LYRM4: variants seen among roughly 807,000 people sequenced by gnomAD.
The protein encoded by LYRM4 is LYR motif containing 4.
A neutral mutation model predicts 11.7 loss-of-function variants in LYRM4; 9 were observed. That is an observed-to-expected ratio of 0.77 (90% CI 0.46 to 1.34). LYRM4 has a LOEUF of 1.34. Ranked by LOEUF, LYRM4 falls within the 40% of genes most tolerant of loss-of-function variation. The probability of loss-of-function intolerance (pLI) is 0.00; values close to 1 mark genes in which losing one functional copy is unlikely to be tolerated. For synonymous variants in LYRM4, 42 were observed against 40.4 expected (o/e 1.04, Z -0.15); for missense variants, 133 against 112.5 (o/e 1.18, Z -0.82).
At chr6:5,215,498 T>C (rs899578250) in intron 2 of LYRM4, among the ~76,000 whole-genome samples, 2 of 152,224 alleles carry the variant, frequency 1.3e-5, no homozygotes, top group Non-Finnish European at 2.9e-5. Flanking sequence ...AGTTACTGTA[T>C]TACTAAATAG....
At chr6:5,174,518 G>A (rs1294789715) in intron 2 of LYRM4, among the ~76,000 whole-genome samples, 3 of 152,148 alleles carry the variant, frequency 2.0e-5, no homozygotes, top group African/African-American at 4.8e-5. Flanking sequence ...TCAGCGCGTC[G>A]CATCCTGTTT....
At chr6:5,234,379 G>T (rs1482085243) in intron 1 of LYRM4, among the ~76,000 whole-genome samples, 1 of 152,190 alleles carries the variant, frequency 6.6e-6, no homozygotes, top group South Asian at 2.1e-4. Context: ...CCACAGAGGC[G>T]CCAGGTGCCC....
Position 5,256,574 on chromosome 6 carries a change from T to A in LYRM4, c.86+4074A>T, listed in dbSNP as rs374224167. Reference sequence around the variant, plus strand: ...TATTGGTCTCAGGACCCTTTTACACTGTGTGAGATGGATCAATTATGACTC... The same window carrying A: ...TATTGGTCTCAGGACCCTTTTACACAGTGTGAGATGGATCAATTATGACTC... On this transcript the variant is annotated intron_variant, in intron 1 of 2. Coordinates refer to ENST00000330636, the MANE Select transcript of LYRM4 (RefSeq NM_020408.6). 1.1e-4 allele frequency among the ~76,000 whole-genome samples: 16 copies of A among 145,580 alleles called. No homozygotes were observed. The South Asian group carries it at 3.6e-3, about 33-fold the overall frequency.
chr6:5,165,241 T>C (rs912649472), intron 2 of LYRM4, among the ~76,000 whole-genome samples: 4 of 152,222 alleles, frequency 2.6e-5, no homozygotes, highest in African/African-American at 9.6e-5. Flanking sequence ...TTATTGTTCC[T>C]ACCTGTTATA....
intron 1 of LYRM4, among the ~76,000 whole-genome samples, chr6:5,237,545 C>T (rs1581575748): frequency 6.6e-6 from 1 of 152,208 alleles, no homozygotes; most frequent in East Asian, 1.9e-4. Flanking sequence ...CTGAAACCAT[C>T]CCCCACAACC....
intron 2 of LYRM4, among the ~76,000 whole-genome samples, chr6:5,135,026 A>T (rs373639851): frequency 1.3e-3 from 109 of 81,622 alleles, no homozygotes; most frequent in Middle Eastern, 6.3e-3. Context: ...GAGGGTGCGG[A>T]TCGCTCCCGG....
intron 2 of LYRM4, among the ~76,000 whole-genome samples, chr6:5,170,114 G>A (rs1759336492): frequency 6.6e-6 from 1 of 152,200 alleles, no homozygotes; most frequent in Non-Finnish European, 1.5e-5. Context: ...AGGCTGAAGA[G>A]GTTATGGGAT....
At chr6:5,254,024 G>A (rs763407310) in intron 1 of LYRM4, among the ~76,000 whole-genome samples, 4 of 152,166 alleles carry the variant, frequency 2.6e-5, no homozygotes, top group Non-Finnish European at 5.9e-5. Flanking sequence ...TCAAAAAAAG[G>A]TCATGCTCAC....
chr6:5,142,176 G>C (rs1757443564), intron 2 of LYRM4, among the ~76,000 whole-genome samples: 1 of 152,156 alleles, frequency 6.6e-6, no homozygotes, highest in Non-Finnish European at 1.5e-5. Context: ...CTTGACAGTG[G>C]AGGTGACGCT....
At chr6:5,065,314 T>C in the LYRM4 span, among the ~76,000 whole-genome samples, 1 of 152,022 alleles carries the variant, frequency 6.6e-6, no homozygotes, top group Non-Finnish European at 1.5e-5. Flanking sequence ...CATTTATATA[T>C]TTATTTTTAT....
At chr6:5,196,408 G>A (rs1481422293) in intron 2 of LYRM4, among the ~76,000 whole-genome samples, 1 of 152,168 alleles carries the variant, frequency 6.6e-6, no homozygotes, top group African/African-American at 2.4e-5. Context: ...TCCCTAAGAG[G>A]TCAAGAGTCC....
At chr6:5,131,457 T>A (rs551977398) in intron 2 of LYRM4, among the ~76,000 whole-genome samples, 147 of 152,352 alleles carry the variant, frequency 9.6e-4, no homozygotes, top group Non-Finnish European at 1.7e-3. Context: ...CCCAGCAGTT[T>A]GGGAGGTAAA....
At chr6:5,195,765 T>C (rs906820079) in intron 2 of LYRM4, among the ~76,000 whole-genome samples, 4 of 152,148 alleles carry the variant, frequency 2.6e-5, no homozygotes, top group East Asian at 3.9e-4. Context: ...CTCCTTCAGG[T>C]GCTCAACAGC....
At chr6:5,122,046 GT>G (rs143385067) in intron 2 of LYRM4, among the ~76,000 whole-genome samples, 2,077 of 152,284 alleles carry the variant, frequency 0.014, 31 homozygotes, top group South Asian at 0.086. Context: ...ACTTGAACCA[GT>G]TCTGGTTTTA....
chr6:5,164,694 G>A (rs902615698), intron 2 of LYRM4, among the ~76,000 whole-genome samples: 7 of 152,170 alleles, frequency 4.6e-5, no homozygotes, highest in Admixed American at 1.3e-4. Flanking sequence ...TTGGCCGGGT[G>A]TGGCGGCTCA....
At chr6:5,181,786 AAT>A (rs1760091353) in intron 2 of LYRM4, among the ~76,000 whole-genome samples, 1 of 152,106 alleles carries the variant, frequency 6.6e-6, no homozygotes, top group African/African-American at 2.4e-5. Flanking sequence ...CCCTCTAGGT[AAT>A]ATAGTCCAGC....
intron 2 of LYRM4, among the ~76,000 whole-genome samples, chr6:5,154,751 G>A (rs959667516): frequency 5.1e-4 from 77 of 152,204 alleles, no homozygotes; most frequent in Admixed American, 1.4e-3. Context: ...CCCGGGAGGC[G>A]GAGCTTGCAG....
the LYRM4 span, among the ~76,000 whole-genome samples, chr6:5,039,147 T>G: frequency 3.9e-5 from 6 of 152,202 alleles, no homozygotes; most frequent in Non-Finnish European, 8.8e-5. Context: ...ATAAATGAGT[T>G]GTTGCTTTAA....
chr6:5,144,930 A>G (rs1163122771), intron 2 of LYRM4, among the ~76,000 whole-genome samples: 6 of 152,232 alleles, frequency 3.9e-5, no homozygotes, highest in African/African-American at 1.2e-4. Context: ...AAGCAGGCGC[A>G]GGCCACAGAG....
Sources: allele counts gnomAD v4.1 joint callset (sites outside exome capture counted in the v4.1 genomes callset), GRCh38; gene constraint gnomAD v4.1.1; transcripts MANE v1.5; gene names NCBI Gene and HGNC (gene_info 2026-07-23, HGNC 2026-07-21).